The following ZNF273 variants were observed in gnomAD, a reference collection of about 807,000 sequenced individuals.
ZNF273 encodes the protein zinc finger protein 273, also known as zinc finger protein 9.
In ZNF273, 11 loss-of-function variants were observed where a neutral mutation model predicts 14.9. That is an observed-to-expected ratio of 0.74 (90% CI 0.46 to 1.22). The LOEUF (loss-of-function observed/expected upper bound fraction) is 1.22, where lower values mean the gene tolerates loss of function less well. Among genes scored for constraint, ZNF273 ranks in the 50% most tolerant of loss-of-function variants. The probability of loss-of-function intolerance (pLI) is 0.00; values close to 1 mark genes in which losing one functional copy is unlikely to be tolerated. For missense variants in ZNF273, 577 were observed against 660.6 expected (o/e 0.87, Z 1.39); for synonymous variants, 199 against 223.9 (o/e 0.89, Z 0.99).
intron 3 of ZNF273, chr7:64,924,163 A>C (rs184989720): frequency 6.6e-6 from 1 of 152,264 alleles, no homozygotes; most frequent in East Asian, 1.9e-4. Flanking sequence ...ATTGTTTTAT[A>C]TTGTCATTCC....
intron 3 of ZNF273, among the ~76,000 whole-genome samples, chr7:64,894,859 G>A (rs1031624041): frequency 6.6e-6 from 1 of 152,086 alleles, no homozygotes; most frequent in African/African-American, 2.4e-5. Flanking sequence ...GCCGGGCACG[G>A]TGGCTCATGC....
intron 1 of ZNF273, among the ~76,000 whole-genome samples, chr7:64,912,960 C>A (rs1793680456): frequency 6.6e-6 from 1 of 151,000 alleles, no homozygotes; most frequent in South Asian, 2.1e-4. Context: ...TCCCAAGTAG[C>A]TGGGACTACA....
intron 1 of ZNF273, among the ~76,000 whole-genome samples, chr7:64,886,717 G>A (rs1791603457): frequency 2.6e-5 from 4 of 152,208 alleles, no homozygotes; most frequent in Admixed American, 2.6e-4. Flanking sequence ...GCCAGGTACA[G>A]TGGAGTTCTC....
intron 1 of ZNF273, among the ~76,000 whole-genome samples, chr7:64,884,783 G>A (rs2129033588): frequency 6.6e-6 from 1 of 152,288 alleles, no homozygotes; most frequent in South Asian, 2.1e-4. Flanking sequence ...AGTTCCCAGC[G>A]CCCACCTCAC....
intron 3 of ZNF273, among the ~76,000 whole-genome samples, chr7:64,925,743 C>T (rs1794738229): frequency 6.6e-6 from 1 of 152,140 alleles, no homozygotes; most frequent in South Asian, 2.1e-4. Flanking sequence ...CGGCTGCATA[C>T]AAAGTTTTTT....
Position 64,927,865 on chromosome 7 carries a change from A to T in ZNF273, c.537A>T (p.Gln179His). The T allele has an allele frequency of 6.2e-7, 1 of 1,613,986 alleles. No homozygotes were observed. The highest frequency in any genetic ancestry group is 8.5e-7 in the Non-Finnish European group (1 of 1,179,910). The change falls in exon 4 of 4, where the codon CAA becomes CAT. Residue 179 changes from glutamine to histidine, a missense_variant. This residue lies in a region of ZNF273 where 4 missense variants were observed against 16.6 expected (regional missense o/e 0.24). Coordinates refer to ENST00000476120, the MANE Select transcript of ZNF273 (RefSeq NM_021148.3). ...CLTTTQSKIF[Q>H]CDKYVKVLHK... The stretch of plus-strand genomic sequence containing the variant: ...CAACTACCCAGAGCAAAATATTTCA[A>T]TGTGATAAATATGTTAAAGTCCTTC...
chr7:64,930,527 T>C lies in ZNF273; in HGVS notation c.*1489T>C, dbSNP rs940076417. ...TTAGATTTTTAAACATGTTTTAACA[T>C]GTTAAGACTTGTGCATTCAGTGAAG... On this transcript the variant is annotated 3_prime_UTR_variant, in exon 4 of 4. Coordinates refer to ENST00000476120, the MANE Select transcript of ZNF273 (RefSeq NM_021148.3). 5.9e-5 allele frequency: 9 copies of C among 152,214 alleles called. No individual in the cohort carries two copies. The highest frequency in any genetic ancestry group is 3.3e-4 in the Admixed American group (5 of 15,282). The allele number at this position is 152,214 out of a possible 1,614,324, so 9.4% of individuals were successfully genotyped here.
intron 3 of ZNF273, among the ~76,000 whole-genome samples, chr7:64,895,123 C>T (rs1168923828): frequency 2.0e-5 from 3 of 151,812 alleles, no homozygotes; most frequent in South Asian, 2.1e-4. Flanking sequence ...GGTGGCAGAG[C>T]GAGACTCCAT....
intron 1 of ZNF273, among the ~76,000 whole-genome samples, chr7:64,909,835 G>GTT (rs553163147): frequency 1.3e-5 from 2 of 150,222 alleles, no homozygotes; most frequent in African/African-American, 4.9e-5. Flanking sequence ...TGCAAGCATC[G>GTT]TTTTTTTTTG....
chr7:64,890,745 T>C (rs145642170), downstream of ZNF273, among the ~76,000 whole-genome samples: 1,752 of 152,052 alleles, frequency 0.012, 31 homozygotes, highest in African/African-American at 0.04. Flanking sequence ...CCTCATTGTG[T>C]GTGTGGTTTG....
chr7:64,914,863 G>C (rs1243475909), intron 1 of ZNF273, among the ~76,000 whole-genome samples: 1 of 147,366 alleles, frequency 6.8e-6, no homozygotes, highest in Non-Finnish European at 1.5e-5. Context: ...TGTGTAATTA[G>C]TCCAGAGACT....
At position 64,911,573 on chromosome 7, in the gene ZNF273, T is replaced by C. The variant is rs568221707; in HGVS notation, c.103-6008T>C. On this transcript the variant is annotated intron_variant, in intron 1 of 3. Coordinates refer to ENST00000476120, the MANE Select transcript of ZNF273 (RefSeq NM_021148.3). Reference sequence around the variant, plus strand: ...CCACTGTGCCTGGCCAAGTTATTTGTATTTTTGTATGTTCAGTGGTAATGT... The same window carrying C: ...CCACTGTGCCTGGCCAAGTTATTTGCATTTTTGTATGTTCAGTGGTAATGT... Among the ~76,000 whole-genome samples, 97 of 152,304 alleles carry C rather than the reference T, an allele frequency of 6.4e-4. No individual in the cohort carries two copies. The South Asian group carries it at 0.019, about 31-fold the overall frequency.
At chr7:64,887,686 G>A (rs1220140818) in intron 1 of ZNF273, among the ~76,000 whole-genome samples, 2 of 150,154 alleles carry the variant, frequency 1.3e-5, no homozygotes, top group African/African-American at 2.4e-5. Context: ...TTTTAGTAGA[G>A]ACAAGGTTTC....
rs1286458352 is a variant in ZNF273 at position 64,929,050 on chromosome 7, A to C, written c.*12A>C. ...GTGAGAAATCCTAGAAATGTGAAGA[A>C]TGTGACAAAGCCTTTAAGCGGTTGT... On this transcript the variant is annotated 3_prime_UTR_variant, in exon 4 of 4. Transcript: ENST00000476120. 2 of 1,529,944 alleles carry C rather than the reference A, an allele frequency of 1.3e-6. No homozygotes were observed. The allele number at this position is 1,529,944 out of a possible 1,614,324, so 94.8% of individuals were successfully genotyped here. A position where few individuals can be genotyped will look rare whatever the true frequency, so the allele number is the denominator to read the frequency against.
downstream of ZNF273, among the ~76,000 whole-genome samples, chr7:64,884,464 C>T (rs552404336): frequency 1.3e-5 from 2 of 152,182 alleles, no homozygotes; most frequent in Non-Finnish European, 2.9e-5. Context: ...AACTCTCTCT[C>T]AACCTTATGT....
chr7:64,907,158 TTTTG>T lies in ZNF273; in HGVS notation c.102+3750_102+3753del, dbSNP rs1413052620. Among the ~76,000 whole-genome samples, 4 of 152,274 alleles carry T rather than the reference TTTTG, an allele frequency of 2.6e-5. No individual in the cohort carries two copies. The East Asian group carries it at 7.7e-4, about 29-fold the overall frequency. On this transcript the variant is annotated intron_variant, in intron 1 of 3. Transcript: ENST00000476120. ...AGCCACTGAGACCAGTTCAGCTGTT[TTTTG>T]TTTGTTTGTTGTTTGTTTTTAATGA...
downstream of ZNF273, among the ~76,000 whole-genome samples, chr7:64,932,575 A>T (rs1369439399): frequency 6.6e-6 from 1 of 152,116 alleles, no homozygotes; most frequent in Non-Finnish European, 1.5e-5. Context: ...GAGTGCTGGG[A>T]TTACAGGCGC....
At chr7:64,926,612 T>G (rs1794778444) in intron 3 of ZNF273, among the ~76,000 whole-genome samples, 2 of 152,164 alleles carry the variant, frequency 1.3e-5, no homozygotes, top group Admixed American at 1.3e-4. Flanking sequence ...TTTTATAATG[T>G]TTTTGATGAG....
chr7:64,918,160 T>C, intron 2 of ZNF273, 37 bp from the exon 3 acceptor site: 1 of 1,524,174 alleles, frequency 6.6e-7, no homozygotes, highest in Non-Finnish European at 8.9e-7. Flanking sequence ...TTGGAGAATA[T>C]GAGCAAGATT....
Sources: allele counts gnomAD v4.1 joint callset (sites outside exome capture counted in the v4.1 genomes callset), GRCh38; gene constraint gnomAD v4.1.1; regional missense constraint gnomAD v4.1.1; transcripts MANE v1.5; gene names NCBI Gene and HGNC (gene_info 2026-07-23, HGNC 2026-07-21).